KCNMA1: variants seen among roughly 807,000 people sequenced by gnomAD.
KCNMA1 encodes the protein Calcium-activated potassium channel subunit alpha-1.
KCNMA1 carries 29 observed loss-of-function variants against 140.0 expected under a neutral mutation model. The observed-to-expected ratio is 0.21, with a 90% CI of 0.15 to 0.28. The LOEUF is 0.28. Among genes scored for constraint, KCNMA1 ranks in the 10% least tolerant of loss-of-function variants. The pLI is 1.00. For missense variants in KCNMA1, 880 were observed against 1,602.2 expected (o/e 0.55, Z 7.70); for synonymous variants, 612 against 611.9 (o/e 1.00, Z 0.00).
At chr10:77,056,219 A>C (rs552640943) in intron 14 of KCNMA1, among the ~76,000 whole-genome samples, 3 of 152,242 alleles carry the variant, frequency 2.0e-5, no homozygotes, top group East Asian at 3.9e-4. Flanking sequence ...GTTTCTACTA[A>C]AAATACAAAA....
At chr10:77,486,099 C>T (rs756206317) in intron 1 of KCNMA1, among the ~76,000 whole-genome samples, 1 of 152,112 alleles carries the variant, frequency 6.6e-6, no homozygotes, top group African/African-American at 2.4e-5. Context: ...ATAAGCCATG[C>T]CAAGTCAAAT....
At chr10:77,359,940 G>T (rs2093809254) in intron 2 of KCNMA1, among the ~76,000 whole-genome samples, 1 of 152,178 alleles carries the variant, frequency 6.6e-6, no homozygotes, top group Non-Finnish European at 1.5e-5. Flanking sequence ...CAGAAAATGG[G>T]GGTGAGAGGC....
intron 1 of KCNMA1, among the ~76,000 whole-genome samples, chr10:77,437,422 T>G (rs1274897451): frequency 1.3e-5 from 2 of 152,214 alleles, no homozygotes; most frequent in African/African-American, 4.8e-5. Flanking sequence ...TAGGAACAGC[T>G]GCTGTGCTAT....
Position 76,885,174 on chromosome 10 carries a change from T to C in KCNMA1, c.*2092A>G. ...CAAAGAATGCATGAAGAGCTCTTCA[T>C]GATCCAATACTAGGGGATACATATA... On this transcript the variant is annotated 3_prime_UTR_variant, in exon 28 of 28. Coordinates refer to ENST00000286628, the MANE Select transcript of KCNMA1 (RefSeq NM_001161352.2). The C allele has an allele frequency of 1.6e-6, 2 of 1,242,386 alleles. No individual in the cohort carries two copies. The highest frequency in any genetic ancestry group is 2.0e-6 in the Non-Finnish European group (2 of 979,726). 77.0% of individuals were successfully genotyped at this position (1,242,386 alleles called of 1,614,324 possible).
At chr10:76,874,070 A>G (rs1011229660), downstream of KCNMA1, 1 of 135,148 alleles carries the variant, frequency 7.4e-6, no homozygotes, top group Admixed American at 7.5e-5. Context: ...CCAAAAAAAA[A>G]ACAACAAAAA....
At position 76,991,276 on chromosome 10, in the gene KCNMA1, CTA is replaced by C. The variant is rs536314504; in HGVS notation, c.2266+10129_2266+10130del. On this transcript the variant is annotated intron_variant, in intron 19 of 27. Transcript: ENST00000286628. ...TCCTTGATTTTCCAGAGCAAATGCTCTATATGTGGTAGTAACCCTGCCACTCC... is the reference window on the plus strand; with the variant it reads ...TCCTTGATTTTCCAGAGCAAATGCTCTATGTGGTAGTAACCCTGCCACTCC... Among the ~76,000 whole-genome samples the C allele has an allele frequency of 2.0e-3, 311 of 152,330 alleles. 4 individuals carry two copies. The highest frequency in any genetic ancestry group is 0.017 in the Admixed American group (262 of 15,306).
intron 22 of KCNMA1, among the ~76,000 whole-genome samples, chr10:76,945,576 TTATTGCA>T (rs756043841): frequency 6.6e-6 from 1 of 152,140 alleles, no homozygotes; most frequent in Non-Finnish European, 1.5e-5. Flanking sequence ...TCATATAATT[TTATTGCA>T]TATTTTCAGC....
intron 19 of KCNMA1, among the ~76,000 whole-genome samples, chr10:76,992,018 T>C (rs374385982): frequency 3.9e-4 from 60 of 152,314 alleles, no homozygotes; most frequent in African/African-American, 1.3e-3. Flanking sequence ...CTAATGCAGA[T>C]CTGCCTCAAA....
At chr10:77,340,717 C>CG (rs2090628403) in intron 2 of KCNMA1, among the ~76,000 whole-genome samples, 1 of 47,248 alleles carries the variant, frequency 2.1e-5, no homozygotes, top group Non-Finnish European at 4.1e-5. Flanking sequence ...GTCGTGGGGT[C>CG]GGGGGGAGGG....
At chr10:76,982,728 C>T (rs905475660) in intron 19 of KCNMA1, among the ~76,000 whole-genome samples, 5 of 152,108 alleles carry the variant, frequency 3.3e-5, no homozygotes, top group African/African-American at 1.2e-4. Context: ...GATTTAAATA[C>T]TGAAGTTCAA....
chr10:77,570,459 T>C (rs1478054380), intron 1 of KCNMA1, among the ~76,000 whole-genome samples: 1 of 148,870 alleles, frequency 6.7e-6, no homozygotes, highest in Non-Finnish European at 1.5e-5. Context: ...AAATTGGAAA[T>C]CATCATTCTC....
chr10:77,549,739 CAT>C (rs2062308004), intron 1 of KCNMA1, among the ~76,000 whole-genome samples: 1 of 152,230 alleles, frequency 6.6e-6, no homozygotes, highest in Non-Finnish European at 1.5e-5. Context: ...CTCAACGCAA[CAT>C]AGACAATTAG....
intron 1 of KCNMA1, among the ~76,000 whole-genome samples, chr10:77,524,463 A>C (rs2054778369): frequency 6.6e-6 from 1 of 152,226 alleles, no homozygotes; most frequent in Non-Finnish European, 1.5e-5. Flanking sequence ...ATGCTCTCTC[A>C]GAATAATAAG....
chr10:76,982,580 G>T (rs1450322714), intron 19 of KCNMA1, among the ~76,000 whole-genome samples: 3 of 152,142 alleles, frequency 2.0e-5, no homozygotes, highest in Non-Finnish European at 4.4e-5. Context: ...AGTCAATTTG[G>T]CTAGAGCAGG....
chr10:77,550,577 G>A (rs1186584592), intron 1 of KCNMA1, among the ~76,000 whole-genome samples: 2 of 152,208 alleles, frequency 1.3e-5, no homozygotes, highest in Non-Finnish European at 2.9e-5. Context: ...GCTGGAACGG[G>A]CCCTGAAAAC....
intron 1 of KCNMA1, chr10:77,636,644 C>T: frequency 6.9e-7 from 1 of 1,459,032 alleles, no homozygotes; most frequent in Non-Finnish European, 9.2e-7. Context: ...CCGTGGGCTA[C>T]CCCCAATAGT....
At chr10:77,278,266 C>G (rs967857324) in intron 2 of KCNMA1, among the ~76,000 whole-genome samples, 1 of 152,008 alleles carries the variant, frequency 6.6e-6, no homozygotes, top group African/African-American at 2.4e-5. Flanking sequence ...GATGGAGAGA[C>G]AAAATAAATG....
intron 1 of KCNMA1, among the ~76,000 whole-genome samples, chr10:77,490,159 C>G (rs1042602569): frequency 5.9e-5 from 9 of 152,156 alleles, no homozygotes; most frequent in African/African-American, 2.2e-4. Context: ...GTTAAATGAC[C>G]CTATATCCTA....
intron 23 of KCNMA1, among the ~76,000 whole-genome samples, chr10:76,926,387 T>C (rs529182030): frequency 1.3e-5 from 2 of 152,276 alleles, no homozygotes; most frequent in South Asian, 2.1e-4. Flanking sequence ...GTCATGAAGA[T>C]TGAATGAGTT....
Sources: gnomAD v4.1 joint callset for allele counts (sites outside exome capture counted in the v4.1 genomes callset) on GRCh38, gnomAD v4.1.1 for gene constraint, MANE v1.5 for transcripts, NCBI Gene and HGNC (gene_info 2026-07-23, HGNC 2026-07-21) for gene names.